Variants in ETFA observed in about 807,000 individuals in gnomAD.
The protein encoded by ETFA is electron transfer flavoprotein subunit alpha, also known as electron transfer flavoprotein subunit alpha, mitochondrial.
In ETFA, 22 loss-of-function variants were observed where a neutral mutation model predicts 46.2. That is an observed-to-expected ratio of 0.48 (90% CI 0.34 to 0.68). The LOEUF (loss-of-function observed/expected upper bound fraction) is 0.68. ETFA is among the 30% of genes least tolerant of loss of function. The pLI is 0.01. For synonymous variants in ETFA, 131 were observed against 139.9 expected, an observed-to-expected ratio of 0.94 and a Z score of 0.45; for missense variants, 345 against 401.1, an observed-to-expected ratio of 0.86 and a Z score of 1.19.
intron 11 of ETFA, among the ~76,000 whole-genome samples, chr15:76,222,493 C>G (rs528603245): frequency 2.0e-5 from 3 of 152,280 alleles, no homozygotes; most frequent in South Asian, 4.1e-4. Context: ...TAAGCTCATT[C>G]TGATTTCAGC....
At chr15:76,278,032 G>T (rs1411243566) in intron 8 of ETFA, among the ~76,000 whole-genome samples, 1 of 152,110 alleles carries the variant, frequency 6.6e-6, no homozygotes, top group Non-Finnish European at 1.5e-5. Flanking sequence ...AGTTTGTTCA[G>T]TTTTTTACTT....
At chr15:76,287,341 T>A (rs2039713483) in intron 5 of ETFA, among the ~76,000 whole-genome samples, 1 of 152,090 alleles carries the variant, frequency 6.6e-6, no homozygotes, top group Non-Finnish European at 1.5e-5. Flanking sequence ...TTATTTTATT[T>A]ATTTATTTTT....
intron 5 of ETFA, 105 bp from the exon 6 acceptor site, chr15:76,286,586 T>C (rs1187791056): frequency 2.7e-6 from 2 of 747,584 alleles, no homozygotes; most frequent in Non-Finnish European, 2.4e-6. Flanking sequence ...GAAATAACTA[T>C]TGACCAGTTG....
Position 76,231,389 on chromosome 15 carries a change from T to G in ETFA, c.826A>C (p.Ile276Leu), listed in dbSNP as rs141200145. Residue 276 changes from isoleucine (I) to leucine (L), a missense_variant, in exon 10 of 12, where the codon ATT (isoleucine) becomes CTT (leucine). By Grantham distance (5) the Ile-to-Leu change is conservative. Coordinates refer to ENST00000557943, the MANE Select transcript of ETFA (RefSeq NM_000126.4). ...ATGGCTCCAGATATTCCAACAGCAA[T>G]ATAAAGTTCCTGAAATAAAAGAGGT... ...TGKIVAPELYIAVGISGAIQH... is the reference protein window; with the variant it reads ...TGKIVAPELYLAVGISGAIQH... The G allele has an allele frequency of 1.1e-3, 1,819 of 1,597,636 alleles. 5 individuals carry two copies. In the Middle Eastern group the frequency reaches 0.014, roughly 12 times the overall value.
chr15:76,236,000 C>G (rs1403487806), intron 9 of ETFA, among the ~76,000 whole-genome samples: 1 of 152,172 alleles, frequency 6.6e-6, no homozygotes, highest in Admixed American at 6.5e-5. Flanking sequence ...CAGACTTTTA[C>G]AGAAATCTAA....
At chr15:76,220,917 C>T (rs1479334695) in intron 11 of ETFA, among the ~76,000 whole-genome samples, 2 of 152,150 alleles carry the variant, frequency 1.3e-5, no homozygotes, top group South Asian at 2.1e-4. Context: ...AACAACCTGA[C>T]GGTTATTCAA....
chr15:76,276,596 GATATT>G (rs2039594329), intron 8 of ETFA, among the ~76,000 whole-genome samples: 1 of 151,932 alleles, frequency 6.6e-6, no homozygotes, highest in Non-Finnish European at 1.5e-5. Flanking sequence ...ACAATTCTTA[GATATT>G]ATATTACAGT....
chr15:76,223,772 T>C (rs1283419487), intron 11 of ETFA, among the ~76,000 whole-genome samples: 3 of 152,204 alleles, frequency 2.0e-5, no homozygotes, highest in African/African-American at 4.8e-5. Context: ...CACACATGCA[T>C]AGTCTCATGC....
chr15:76,225,531 C>T (rs536781687), intron 11 of ETFA, among the ~76,000 whole-genome samples: 185 of 152,150 alleles, frequency 1.2e-3, no homozygotes, highest in African/African-American at 4.1e-3. Flanking sequence ...CCTCATGATC[C>T]GCCCGCCTCC....
chr15:76,226,147 G>C (rs535361005), intron 10 of ETFA: 1 of 440,398 alleles, frequency 2.3e-6, no homozygotes, highest in South Asian at 4.0e-5. Context: ...GTATTAAAGA[G>C]TTTAAAATCA....
chr15:76,290,211 T>G (rs1372963797), intron 4 of ETFA, among the ~76,000 whole-genome samples: 1 of 152,172 alleles, frequency 6.6e-6, no homozygotes, highest in African/African-American at 2.4e-5. Flanking sequence ...TGCATGACCA[T>G]GTTTTCTTGC....
intron 8 of ETFA, among the ~76,000 whole-genome samples, chr15:76,282,204 T>G (rs1284106214): frequency 6.6e-6 from 1 of 152,158 alleles, no homozygotes; most frequent in African/African-American, 2.4e-5. Context: ...ACGCCTGCCA[T>G]GTATCCTTAT....
intron 9 of ETFA, chr15:76,260,182 C>A: frequency 7.0e-7 from 1 of 1,422,562 alleles, no homozygotes; most frequent in Non-Finnish European, 9.9e-7. Flanking sequence ...AGCACATCCT[C>A]CAGTTTTTCC....
intron 2 of ETFA, among the ~76,000 whole-genome samples, 192 bp downstream of exon 2, chr15:76,295,399 A>G (rs1172072967): frequency 1.3e-5 from 2 of 152,234 alleles, no homozygotes; most frequent in East Asian, 1.9e-4. Context: ...ACTGCATTTC[A>G]AAAGATAAAA....
chr15:76,232,393 G>C (rs1481787078), intron 9 of ETFA, among the ~76,000 whole-genome samples: 1 of 152,172 alleles, frequency 6.6e-6, no homozygotes. Context: ...GTCCTGGCCT[G>C]GGTAGGAGGT....
chr15:76,216,836 T>C lies in ETFA; in HGVS notation c.964-239A>G, dbSNP rs78893724. Among the ~76,000 whole-genome samples the C allele has an allele frequency of 3.8e-3, 504 of 132,720 alleles. 1 individual carries two copies. Among genetic ancestry groups the C allele is most frequent in the Non-Finnish European group, 5.4e-3 (342 of 63,080 alleles). 87.1% of individuals were successfully genotyped at this position (132,720 alleles called of 152,430 possible). Reference sequence around the variant, plus strand: ...AGCCCACTCATTGCCTAGGTGCCTTTTGCCTTTTTTTTTTTTTTTTTTTTT... The same window carrying C: ...AGCCCACTCATTGCCTAGGTGCCTTCTGCCTTTTTTTTTTTTTTTTTTTTT... On this transcript the variant is annotated intron_variant, in intron 11 of 11. Coordinates refer to ENST00000557943, the MANE Select transcript of ETFA (RefSeq NM_000126.4).
At chr15:76,260,957 A>C in intron 9 of ETFA, 1 of 1,611,128 alleles carries the variant, frequency 6.2e-7, no homozygotes, top group Non-Finnish European at 8.5e-7. Flanking sequence ...GGGCTCGGCC[A>C]TCAGCACCTG....
At chr15:76,252,876 TACAC>T (rs34804508) in intron 9 of ETFA, among the ~76,000 whole-genome samples, 3,766 of 147,544 alleles carry the variant, frequency 0.026, 82 homozygotes, top group Non-Finnish European at 0.036. Flanking sequence ...TGTATGTGTA[TACAC>T]ACACACACAC....
At chr15:76,299,634 A>G (rs1168445191) in intron 1 of ETFA, among the ~76,000 whole-genome samples, 1 of 152,170 alleles carries the variant, frequency 6.6e-6, no homozygotes, top group African/African-American at 2.4e-5. Flanking sequence ...CTTAGAAGGT[A>G]GCCTCACCTC....
Sources: gnomAD v4.1 joint callset for allele counts (sites outside exome capture counted in the v4.1 genomes callset) on GRCh38, gnomAD v4.1.1 for gene constraint, MANE v1.5 for transcripts, NCBI Gene and HGNC (gene_info 2026-07-23, HGNC 2026-07-21) for gene names.